CASP8: variants seen among roughly 807,000 people sequenced by gnomAD.
CASP8 encodes caspase-8.
A neutral mutation model predicts 46.3 loss-of-function variants in CASP8; 24 were observed. That is an observed-to-expected ratio of 0.52 (90% confidence interval 0.38 to 0.73). The LOEUF (loss-of-function observed/expected upper bound fraction) is 0.73, where lower values mean the gene tolerates loss of function less well. Among genes scored for constraint, CASP8 ranks in the 30% least tolerant of loss-of-function variants. The pLI is 0.00. For synonymous variants in CASP8, 188 were observed against 200.4 expected (o/e 0.94, Z 0.52); for missense variants, 460 against 559.0 (o/e 0.82, Z 1.79).
chr2:201,241,020 G>A (rs1946275348), intron 2 of CASP8: 1 of 152,120 alleles, frequency 6.6e-6, no homozygotes, highest in Non-Finnish European at 1.5e-5. Flanking sequence ...CAGGATAAAA[G>A]CAGTACTAAG....
In CASP8 at chr2:201,263,299, A is replaced by T. The variant is rs562704297; in HGVS notation, c.-27+2686A>T. 7.2e-5 allele frequency among the ~76,000 whole-genome samples: 11 copies of T among 152,346 alleles called. No individual in the cohort carries two copies. In the East Asian group the frequency reaches 1.3e-3, roughly 19 times the overall value. ...TCTTAAAGATTTGCGTTTTAAAGTCATCCTAAATGTAATCAGGAACTGGCT... is the reference window on the plus strand; with the variant it reads ...TCTTAAAGATTTGCGTTTTAAAGTCTTCCTAAATGTAATCAGGAACTGGCT... On this transcript the variant is annotated intron_variant, in intron 1 of 8. Coordinates refer to ENST00000673742, the MANE Select transcript of CASP8 (RefSeq NM_001372051.1).
chr2:201,248,735 C>T (rs990975808), intron 2 of CASP8, among the ~76,000 whole-genome samples: 13 of 152,170 alleles, frequency 8.5e-5, no homozygotes, highest in African/African-American at 2.7e-4. Context: ...CCTCTTCACT[C>T]TCTTAATGGT....
intron 7 of CASP8, among the ~76,000 whole-genome samples, chr2:201,281,413 A>G (rs1008900841): frequency 6.6e-5 from 10 of 152,250 alleles, no homozygotes; most frequent in Admixed American, 3.3e-4. Context: ...TAAGAACTCA[A>G]TGCGAAAGTC....
intron 2 of CASP8, among the ~76,000 whole-genome samples, chr2:201,236,121 G>A (rs1479092106): frequency 1.3e-5 from 2 of 152,102 alleles, no homozygotes; most frequent in African/African-American, 4.8e-5. Flanking sequence ...ACTGCAGTCA[G>A]GATAGTGAAC....
chr2:201,237,498 C>T (rs1379884751), intron 2 of CASP8, among the ~76,000 whole-genome samples: 2 of 148,444 alleles, frequency 1.3e-5, no homozygotes, highest in East Asian at 3.9e-4. Flanking sequence ...AGAAAACATC[C>T]AGCAAGGTCT....
intron 2 of CASP8, among the ~76,000 whole-genome samples, chr2:201,271,290 AG>A (rs1161978640): frequency 3.3e-5 from 5 of 152,222 alleles, no homozygotes; most frequent in Non-Finnish European, 7.3e-5. Context: ...CTGAAAGAAA[AG>A]TTGATAGAAC....
intron 2 of CASP8, chr2:201,269,701 G>T (rs2125207581): frequency 1.2e-6 from 1 of 820,344 alleles, no homozygotes; most frequent in East Asian, 2.6e-5. Context: ...TTGAATACTA[G>T]CCAGAAGCTA....
In CASP8 at chr2:201,266,578, C is replaced by T. The variant is rs748087575; in HGVS notation, c.92C>T (p.Pro31Leu). The T allele has an allele frequency of 1.5e-5, 25 of 1,614,170 alleles. No individual in the cohort carries two copies. Among genetic ancestry groups the T allele is most frequent in the East Asian group, 4.5e-5 (2 of 44,888 alleles). Residue 31 changes from proline to leucine, a missense_variant, in exon 2 of 9, where the codon CCG (proline) becomes CTG (leucine). Transcript: ENST00000673742. The surrounding 1 kb of genome is among the most constrained non-coding windows in gnomAD (Gnocchi z 5.7). ...SLKFLSLDYIPQRKQEPIKDA... is the reference protein window; with the variant it reads ...SLKFLSLDYILQRKQEPIKDA... ...AAGTTCCTGAGCCTGGACTACATTC[C>T]GCAAAGGAAGCAAGAACCCATCAAG...
chr2:201,281,358 A>G (rs1948995797), intron 7 of CASP8, among the ~76,000 whole-genome samples: 1 of 152,170 alleles, frequency 6.6e-6, no homozygotes, highest in Non-Finnish European at 1.5e-5. Context: ...TTCAACCAAA[A>G]CTTGTAAATA....
chr2:201,251,279 G>A (rs1415745505), intron 2 of CASP8, among the ~76,000 whole-genome samples: 1 of 152,160 alleles, frequency 6.6e-6, no homozygotes, highest in East Asian at 1.9e-4. Context: ...ATCTAGAAAC[G>A]TGATTGCTGG....
intron 7 of CASP8, among the ~76,000 whole-genome samples, chr2:201,279,179 C>A (rs1004757132): frequency 2.0e-5 from 3 of 152,172 alleles, no homozygotes; most frequent in African/African-American, 7.2e-5. Flanking sequence ...CCTATATAAG[C>A]CTATACAATC....
rs1263120790 is a variant in CASP8 at position 201,284,991 on chromosome 2, T to C, written c.978T>C (p.Thr326=). ...GAGACAAGGGCATCATCTATGGCAC[T>C]GATGGACAGGAGGCCCCCATCTATG... ...SHGDKGIIYG[T]DGQEAPIYEL... is the part of the protein sequence containing the mutation. The change falls in exon 8 of 9, where the codon ACT becomes ACC. Residue 326 remains threonine (T), a synonymous_variant. Coordinates refer to ENST00000673742, the MANE Select transcript of CASP8 (RefSeq NM_001372051.1). The C allele has an allele frequency of 1.2e-6, 2 of 1,614,050 alleles. No homozygotes were observed. Among genetic ancestry groups the C allele is most frequent in the Non-Finnish European group, 1.7e-6 (2 of 1,180,004 alleles).
At chr2:201,275,035 C>A in intron 6 of CASP8, 82 bp downstream of exon 6, 5 of 975,060 alleles carry the variant, frequency 5.1e-6, no homozygotes, top group Middle Eastern at 2.2e-4. Flanking sequence ...TTTTTTGCTG[C>A]CAGATAAACT....
At chr2:201,238,445 TC>T (rs1458605204) in intron 2 of CASP8, among the ~76,000 whole-genome samples, 1 of 150,168 alleles carries the variant, frequency 6.7e-6, no homozygotes, top group Non-Finnish European at 1.5e-5. Context: ...CTTTTTTCTT[TC>T]TTTTTTTTTT....
intron 2 of CASP8, among the ~76,000 whole-genome samples, chr2:201,269,230 C>T (rs36066515): frequency 4.0e-4 from 61 of 152,212 alleles, no homozygotes; most frequent in Middle Eastern, 6.8e-3. Flanking sequence ...TGAGCCACTG[C>T]GCCTGGCCAG....
rs931648756 is a variant in CASP8 at position 201,285,307 on chromosome 2, C to G, written c.1294C>G (p.Arg432Gly). ...IQSLCQSLRE[R>G]CPRGDDILTI... ...GTCACTTTGCCAGAGCCTGAGAGAG[C>G]GATGTCCTCGGTAAGTTTTGCCTAC... The change falls in exon 8 of 9, where the codon CGA becomes GGA. Residue 432 changes from arginine to glycine, a missense_variant. By Grantham distance (125) the Arg-to-Gly change is moderately radical. Coordinates refer to ENST00000673742, the MANE Select transcript of CASP8 (RefSeq NM_001372051.1). 6.2e-7 allele frequency: 1 copy of G among 1,613,376 alleles called. No individual in the cohort carries two copies. The highest frequency in any genetic ancestry group is 8.5e-7 in the Non-Finnish European group (1 of 1,180,008).
intron 6 of CASP8, 51 bp from the exon 7 acceptor site, chr2:201,276,776 C>CT: frequency 6.2e-7 from 1 of 1,612,590 alleles, no homozygotes. Flanking sequence ...GTTTACATCT[C>CT]TAGTGTTTGA....
At chr2:201,262,359 T>C (rs955892290) in intron 1 of CASP8, 5 of 151,636 alleles carry the variant, frequency 3.3e-5, no homozygotes, top group Admixed American at 6.6e-5. Context: ...ATATCATTTA[T>C]TTATATGATT....
intron 7 of CASP8, among the ~76,000 whole-genome samples, chr2:201,282,792 G>A (rs1239618688): frequency 7.1e-5 from 6 of 84,962 alleles, no homozygotes; most frequent in Non-Finnish European, 1.4e-4. Flanking sequence ...CTCACCTCCC[G>A]GACGGGGCAG....
Sources: gnomAD v4.1 joint callset for allele counts (sites outside exome capture counted in the v4.1 genomes callset) on GRCh38, gnomAD v4.1.1 for gene constraint, Gnocchi (gnomAD v3.1) non-coding constraint, MANE v1.5 for transcripts, NCBI Gene and HGNC (gene_info 2026-07-23, HGNC 2026-07-21) for gene names.